The following DYM variants were observed in gnomAD, a reference collection of about 807,000 sequenced individuals.
DYM encodes dyggve-Melchior-Clausen syndrome protein.
In DYM, 78 loss-of-function variants were observed where a neutral mutation model predicts 93.1. That is an observed-to-expected ratio of 0.84 (90% confidence interval 0.70 to 1.01). The LOEUF (loss-of-function observed/expected upper bound fraction) is 1.01. Ranked by LOEUF, DYM falls within the 50% of genes least tolerant of loss-of-function variation. The pLI is 0.00. For synonymous variants in DYM, 321 were observed against 319.7 expected (o/e 1.00, Z -0.04); for missense variants, 789 against 845.0 (o/e 0.93, Z 0.82).
intron 10 of DYM, among the ~76,000 whole-genome samples, chr18:49,281,615 A>C (rs1025423570): frequency 2.0e-5 from 3 of 152,242 alleles, no homozygotes; most frequent in Non-Finnish European, 2.9e-5. Context: ...ATGGAATACT[A>C]TGCAGCCATA....
intron 4 of DYM, among the ~76,000 whole-genome samples, chr18:49,378,979 G>A (rs1476762647): frequency 6.6e-6 from 1 of 151,840 alleles, no homozygotes. Context: ...TTCTTAATAG[G>A]TATACCACGT....
At chr18:49,367,382 G>T (rs774566836) in intron 5 of DYM, among the ~76,000 whole-genome samples, 4 of 152,112 alleles carry the variant, frequency 2.6e-5, no homozygotes, top group African/African-American at 4.8e-5. Context: ...GGTCCCTTAA[G>T]GTTCTAATAA....
intron 13 of DYM, among the ~76,000 whole-genome samples, chr18:49,238,284 T>C (rs1162483383): frequency 1.3e-5 from 2 of 152,190 alleles, no homozygotes; most frequent in East Asian, 1.9e-4. Context: ...TTTTAAGCTA[T>C]ATTTAAGAGC....
At position 49,425,888 on chromosome 18, in the gene DYM, A is replaced by T. The variant is rs2074235765; in HGVS notation, c.140+4367T>A. Among the ~76,000 whole-genome samples, 7 of 152,062 alleles carry T rather than the reference A, an allele frequency of 4.6e-5. No individual in the cohort carries two copies. In the South Asian group the frequency reaches 1.5e-3, roughly 32 times the overall value. ...TTAGAATGGCGATCATTAAAAAGTC[A>T]GGAAACAACAGGTGCTGGAGAGGAT... On this transcript the variant is annotated intron_variant, in intron 2 of 17. Coordinates refer to ENST00000675505, the MANE Select transcript of DYM (RefSeq NM_001353214.3).
chr18:49,395,383 A>C (rs1599894399), intron 2 of DYM, among the ~76,000 whole-genome samples: 1 of 152,152 alleles, frequency 6.6e-6, no homozygotes, highest in Non-Finnish European at 1.5e-5. Flanking sequence ...TAATCCCAGC[A>C]CTTTGGGAGG....
chr18:49,422,868 C>T (rs973088437), intron 2 of DYM, among the ~76,000 whole-genome samples: 2 of 152,072 alleles, frequency 1.3e-5, no homozygotes, highest in Non-Finnish European at 2.9e-5. Flanking sequence ...ATATATGCAC[C>T]CAATACAGGA....
intron 2 of DYM, among the ~76,000 whole-genome samples, chr18:49,398,939 A>G (rs890456756): frequency 5.9e-5 from 9 of 152,376 alleles, no homozygotes; most frequent in Admixed American, 2.0e-4. Context: ...GACCACATGC[A>G]TAAAATCTAT....
intron 17 of DYM, chr18:49,097,137 C>T: frequency 3.8e-6 from 2 of 524,028 alleles, no homozygotes; most frequent in South Asian, 4.2e-5. Context: ...GAATTTGTTT[C>T]ACTGGGTTAA....
At chr18:49,232,915 G>A (rs1408163003) in intron 13 of DYM, among the ~76,000 whole-genome samples, 1 of 151,912 alleles carries the variant, frequency 6.6e-6, no homozygotes, top group Non-Finnish European at 1.5e-5. Context: ...AGCCTGAAAC[G>A]GAATTTCTTA....
At position 49,399,386 on chromosome 18, in the gene DYM, G is replaced by T. The variant is rs192186826; in HGVS notation, c.141-7741C>A. 1.1e-3 allele frequency among the ~76,000 whole-genome samples: 173 copies of T among 152,212 alleles called. 2 individuals are homozygous for T. The highest frequency in any genetic ancestry group is 4.1e-3 in the African/African-American group (169 of 41,522). On this transcript the variant is annotated intron_variant, in intron 2 of 17. Coordinates refer to ENST00000675505, the MANE Select transcript of DYM (RefSeq NM_001353214.3). ...GGAAGGGGTGGTTAATCAACACAGG[G>T]GAATGGCAAACTACAAAGCTGGAAA...
At chr18:49,388,276 G>A (rs559625701) in intron 3 of DYM, among the ~76,000 whole-genome samples, 3 of 152,120 alleles carry the variant, frequency 2.0e-5, no homozygotes, top group African/African-American at 4.8e-5. Context: ...GTTGCAGTGA[G>A]CGGTGATAGT....
intron 13 of DYM, among the ~76,000 whole-genome samples, chr18:49,213,236 T>C (rs2080287660): frequency 6.6e-6 from 1 of 151,832 alleles, no homozygotes; most frequent in Non-Finnish European, 1.5e-5. Context: ...TTTCTAATAA[T>C]GTATTTTTCA....
At chr18:49,208,463 TTTTA>T (rs2092628070) in intron 14 of DYM, 1 of 152,184 alleles carries the variant, frequency 6.6e-6, no homozygotes, top group Non-Finnish European at 1.5e-5. Flanking sequence ...ACCCTCAGTT[TTTTA>T]TTTCTCAAAA....
chr18:49,049,745 A>G (rs556382233), intron 17 of DYM: 1 of 154,386 alleles, frequency 6.5e-6, no homozygotes, highest in African/African-American at 2.4e-5. Context: ...GTCATAGCGA[A>G]GTCTAGTCTT....
chr18:49,318,839 CGCCCAGGCTGGAGTGCAGTG>C (rs2062227059), intron 8 of DYM, among the ~76,000 whole-genome samples: 1 of 126,616 alleles, frequency 7.9e-6, no homozygotes, highest in East Asian at 2.3e-4. Flanking sequence ...CTCACTCTGT[CGCCCAGGCTGGAGTGCAGTG>C]GCACGATCTC....
At chr18:49,205,988 T>A (rs1308671771) in intron 14 of DYM, 1 of 148,778 alleles carries the variant, frequency 6.7e-6, no homozygotes, top group Non-Finnish European at 1.4e-5. Flanking sequence ...TTGACTAAGG[T>A]AGAGTTTTTT....
chr18:49,251,226 C>T (rs919048206), intron 13 of DYM, among the ~76,000 whole-genome samples: 1 of 152,180 alleles, frequency 6.6e-6, no homozygotes, highest in African/African-American at 2.4e-5. Context: ...CCAGTGAATA[C>T]AGCAGTGTGC....
intron 2 of DYM, among the ~76,000 whole-genome samples, chr18:49,392,681 TAAAAAAAAAAAAAAAAA>T (rs869086187): frequency 4.4e-5 from 3 of 68,470 alleles, no homozygotes; most frequent in African/African-American, 2.0e-4. Context: ...GGCTTTTATT[TAAAAAAAAAAAAAAAAA>T]AAAAAAAAAA....
intron 14 of DYM, among the ~76,000 whole-genome samples, chr18:49,207,838 T>C (rs2092593939): frequency 1.3e-5 from 2 of 152,090 alleles, no homozygotes. Flanking sequence ...TCCACTTACA[T>C]ATAAAATCTC....
Sources: allele counts gnomAD v4.1 joint callset (sites outside exome capture counted in the v4.1 genomes callset), GRCh38; gene constraint gnomAD v4.1.1; transcripts MANE v1.5; gene names NCBI Gene and HGNC (gene_info 2026-07-23, HGNC 2026-07-21).